DTWD2: variants seen among roughly 807,000 people sequenced by gnomAD.
DTWD2 encodes DTW motif tRNA-uridine aminocarboxypropyltransferase 2.
DTWD2 carries 39 observed loss-of-function variants against 31.8 expected under a neutral mutation model. The observed-to-expected ratio is 1.22, with a 90% CI of 0.95 to 1.60. The LOEUF is 1.60. Among genes scored for constraint, DTWD2 ranks in the 40% most tolerant of loss-of-function variants. DTWD2 has a pLI of 0.00. For synonymous variants in DTWD2, 180 were observed against 142.8 expected, an observed-to-expected ratio of 1.26 and a Z score of -1.86; for missense variants, 515 against 381.5, an observed-to-expected ratio of 1.35 and a Z score of -2.92.
chr5:118,867,118 CTTACAG>C (rs1752397357), intron 4 of DTWD2, among the ~76,000 whole-genome samples: 1 of 151,778 alleles, frequency 6.6e-6, no homozygotes, highest in Admixed American at 6.6e-5. Context: ...ACATTAAAAA[CTTACAG>C]TTAAAGAAAA....
At chr5:118,956,494 T>A (rs1279295216) in intron 1 of DTWD2, among the ~76,000 whole-genome samples, 1 of 152,244 alleles carries the variant, frequency 6.6e-6, no homozygotes, top group Non-Finnish European at 1.5e-5. Flanking sequence ...ACTCTGGGCA[T>A]ACTATCTCTG....
chr5:118,841,350 T>A (rs987246890), intron 5 of DTWD2, among the ~76,000 whole-genome samples: 1 of 152,232 alleles, frequency 6.6e-6, no homozygotes, highest in Non-Finnish European at 1.5e-5. Flanking sequence ...AAGTCTGGCA[T>A]TAGTTTTATA....
intron 1 of DTWD2, among the ~76,000 whole-genome samples, chr5:118,968,639 CT>C (rs762091161): frequency 1.3e-5 from 2 of 152,222 alleles, no homozygotes; most frequent in Admixed American, 6.5e-5. Flanking sequence ...AGATCCCCCC[CT>C]GAGCCCACAC....
chr5:118,910,792 G>A lies in DTWD2; in HGVS notation c.597+17745C>T, dbSNP rs560939367. On this transcript the variant is annotated intron_variant, in intron 4 of 5. Transcript: ENST00000510708. ...GTTTATTGTTCACAGTTCGGGAGCA[G>A]AGTCTGAGAAGTCCAAGATCAAGGC... Among the ~76,000 whole-genome samples the A allele has an allele frequency of 5.3e-5, 8 of 152,328 alleles. No homozygotes were observed. The South Asian group carries it at 1.7e-3, about 32-fold the overall frequency.
chr5:118,951,307 G>C (rs116044798), intron 1 of DTWD2, among the ~76,000 whole-genome samples: 2,182 of 152,182 alleles, frequency 0.014, 46 homozygotes, highest in African/African-American at 0.045. Flanking sequence ...GGCAGCCTGG[G>C]GAGGAAGAGA....
At chr5:118,844,306 A>G (rs1382293346) in intron 5 of DTWD2, among the ~76,000 whole-genome samples, 1 of 152,246 alleles carries the variant, frequency 6.6e-6, no homozygotes, top group Non-Finnish European at 1.5e-5. Flanking sequence ...ATCTATCTTT[A>G]AAAATTCCTA....
chr5:118,977,938 C>T (rs1222560176), intron 1 of DTWD2, among the ~76,000 whole-genome samples: 1 of 152,142 alleles, frequency 6.6e-6, no homozygotes, highest in African/African-American at 2.4e-5. Context: ...CATTACACTA[C>T]CTGACTTCAA....
chr5:118,936,622 T>G (rs1027351102), intron 3 of DTWD2, among the ~76,000 whole-genome samples: 2 of 152,036 alleles, frequency 1.3e-5, no homozygotes, highest in Non-Finnish European at 2.9e-5. Flanking sequence ...CCAGTCAACA[T>G]AGCAAGACCC....
intron 4 of DTWD2, among the ~76,000 whole-genome samples, chr5:118,867,901 G>A (rs979694337): frequency 6.6e-6 from 1 of 152,018 alleles, no homozygotes; most frequent in African/African-American, 2.4e-5. Context: ...CCTTTTTGCA[G>A]AAGTAAAAAA....
At chr5:118,958,180 C>T (rs574285814) in intron 1 of DTWD2, among the ~76,000 whole-genome samples, 52 of 152,010 alleles carry the variant, frequency 3.4e-4, no homozygotes, top group African/African-American at 1.2e-3. Flanking sequence ...GGCGGCCAGG[C>T]GCGGTGGCTC....
intron 1 of DTWD2, among the ~76,000 whole-genome samples, chr5:118,950,213 CAAAAAA>C (rs764214153): frequency 2.0e-4 from 10 of 49,606 alleles, no homozygotes; most frequent in East Asian, 6.2e-4. Context: ...ACTCCATCTC[CAAAAAA>C]AAAAAAAAAA....
chr5:118,873,119 C>G (rs1446039118), intron 4 of DTWD2, among the ~76,000 whole-genome samples: 1 of 152,152 alleles, frequency 6.6e-6, no homozygotes, highest in Non-Finnish European at 1.5e-5. Flanking sequence ...GAAGGGGACC[C>G]CTTGATCACC....
intron 1 of DTWD2, among the ~76,000 whole-genome samples, chr5:118,966,482 CTG>C (rs1189889055): frequency 6.6e-6 from 1 of 152,100 alleles, no homozygotes; most frequent in Non-Finnish European, 1.5e-5. Context: ...CTCCAACAAT[CTG>C]TGGTTTTTAG....
rs761746023 is a variant in DTWD2, at chr5:118,928,662, C to T, written c.472G>A (p.Ala158Thr). 1 of 1,598,290 alleles carries T rather than the reference C, an allele frequency of 6.3e-7. No individual in the cohort carries two copies. Among genetic ancestry groups the T allele is most frequent in the Non-Finnish European group, 8.5e-7 (1 of 1,171,664 alleles). Residue 158 changes from alanine to threonine, a missense_variant, in exon 4 of 6, where the codon GCT becomes ACT. Ala to Thr is a moderately conservative substitution (Grantham distance 58). Transcript: ENST00000510708. ...TLILYPGAEA[A>T]NLEEFILDSP... is the part of the protein sequence containing the mutation. ...TCTAATATAAATTCTTCCAAATTAG[C>T]AGCTTCAGCCCCTGGATATAATATT... is the stretch of plus-strand genomic sequence containing the variant.
At chr5:118,927,398 GAAATAA>G (rs1188310547) in intron 4 of DTWD2, among the ~76,000 whole-genome samples, 4 of 151,894 alleles carry the variant, frequency 2.6e-5, no homozygotes, top group East Asian at 1.9e-4. Context: ...TCAACGTAAT[GAAATAA>G]AAATAAACTA....
Position 118,928,707 on chromosome 5 carries a change from A to C in DTWD2, c.427T>G (p.Cys143Gly). Residue 143 changes from cysteine to glycine, a missense_variant, in exon 4 of 6, where the codon TGC (cysteine) becomes GGC (glycine). By Grantham distance (159) the Cys-to-Gly change is radical. Coordinates refer to ENST00000510708, the MANE Select transcript of DTWD2 (RefSeq NM_173666.4). The part of the protein sequence containing the change: ...EERDPELSTV[C>G]RKSGTLILYP... ...AATATTAATGTACCAGACTTCCGGC[A>C]AACAGTTGAAAGTTCAGGATCTCTG... 2 of 1,573,146 alleles carry C rather than the reference A, an allele frequency of 1.3e-6. No individual in the cohort carries two copies. Among genetic ancestry groups the C allele is most frequent in the Non-Finnish European group, 1.7e-6 (2 of 1,161,898 alleles).
chr5:118,970,224 C>T (rs574479913), intron 1 of DTWD2, among the ~76,000 whole-genome samples: 66 of 152,268 alleles, frequency 4.3e-4, no homozygotes, highest in African/African-American at 1.5e-3. Flanking sequence ...GTCAGGAGTT[C>T]GAGACCAGCC....
At position 118,928,713 on chromosome 5, in the gene DTWD2, T is replaced by C. The variant is rs757832525; in HGVS notation, c.421A>G (p.Thr141Ala). The stretch of plus-strand genomic sequence containing the variant: ...AATGTACCAGACTTCCGGCAAACAG[T>C]TGAAAGTTCAGGATCTCTGAAAAAG... Reference protein sequence around the residue: ...FSEERDPELSTVCRKSGTLIL... With the variant: ...FSEERDPELSAVCRKSGTLIL... The change falls in exon 4 of 6, where the codon ACT becomes GCT. Residue 141 changes from threonine to alanine, a missense_variant. Thr to Ala is a moderately conservative substitution (Grantham distance 58). Transcript: ENST00000510708. The C allele has an allele frequency of 3.8e-6, 6 of 1,571,546 alleles. No individual in the cohort carries two copies. In the South Asian group the frequency reaches 5.0e-5, roughly 13 times the overall value.
intron 1 of DTWD2, among the ~76,000 whole-genome samples, chr5:118,973,606 C>CGCCTCCTTGCTCGCGGTA (rs1554071576): frequency 5.7e-4 from 85 of 148,538 alleles, no homozygotes; most frequent in African/African-American, 2.0e-3. Context: ...GTTCCTCGTC[C>CGCCTCCTTGCTCGCGGTA]GCCTCCTTGC....
Sources: gnomAD v4.1 joint callset for allele counts (sites outside exome capture counted in the v4.1 genomes callset) on GRCh38, gnomAD v4.1.1 for gene constraint, MANE v1.5 for transcripts, NCBI Gene and HGNC (gene_info 2026-07-23, HGNC 2026-07-21) for gene names.